SUSD1: variants seen among roughly 807,000 people sequenced by gnomAD.
SUSD1 encodes sushi domain-containing protein 1.
A neutral mutation model predicts 86.9 loss-of-function variants in SUSD1; 65 were observed. That is an observed-to-expected ratio of 0.75 (90% CI 0.61 to 0.92). SUSD1 has a LOEUF of 0.92. SUSD1 is among the 40% of genes least tolerant of loss of function. The probability of loss-of-function intolerance (pLI) is 0.00; values close to 1 mark genes in which losing one functional copy is unlikely to be tolerated. For missense variants in SUSD1, 850 were observed against 929.7 expected, an observed-to-expected ratio of 0.91 and a Z score of 1.11; for synonymous variants, 346 against 350.0, an observed-to-expected ratio of 0.99 and a Z score of 0.13.
At chr9:112,051,249 C>T (rs1372023964) in intron 15 of SUSD1, among the ~76,000 whole-genome samples, 1 of 152,178 alleles carries the variant, frequency 6.6e-6, no homozygotes, top group Non-Finnish European at 1.5e-5. Flanking sequence ...ACAAGAAACA[C>T]ATCTGGACTT....
At chr9:112,046,679 C>G (rs914934233) in intron 15 of SUSD1, among the ~76,000 whole-genome samples, 1 of 152,110 alleles carries the variant, frequency 6.6e-6, no homozygotes, top group African/African-American at 2.4e-5. Flanking sequence ...CTGAAAGCAC[C>G]AATTCTGTTC....
intron 15 of SUSD1, among the ~76,000 whole-genome samples, chr9:112,043,701 A>G (rs10981225): frequency 0.091 from 13,800 of 152,268 alleles, 865 homozygotes; most frequent in East Asian, 0.29. Flanking sequence ...GCCTTTCTAG[A>G]AAACATGGCT....
At chr9:112,068,580 T>C (rs1405880967) in intron 12 of SUSD1, among the ~76,000 whole-genome samples, 1 of 151,804 alleles carries the variant, frequency 6.6e-6, no homozygotes, top group Non-Finnish European at 1.5e-5. Context: ...TGTACACCTG[T>C]GATCCCAGCT....
chr9:112,088,195 T>C (rs1057212526), intron 10 of SUSD1, among the ~76,000 whole-genome samples: 1 of 152,242 alleles, frequency 6.6e-6, no homozygotes, highest in Non-Finnish European at 1.5e-5. Flanking sequence ...AGGAATACTG[T>C]GCTCTTAAGG....
At chr9:112,086,599 C>G (rs191591911) in intron 10 of SUSD1, among the ~76,000 whole-genome samples, 1 of 148,494 alleles carries the variant, frequency 6.7e-6, no homozygotes, top group Admixed American at 6.6e-5. Flanking sequence ...GGTGTATAGA[C>G]AGAGCACTGA....
Position 112,131,297 on chromosome 9 carries a change from C to T in SUSD1, c.707-6861G>A, listed in dbSNP as rs565852323. 5.3e-5 allele frequency among the ~76,000 whole-genome samples: 8 copies of T among 152,172 alleles called. No individual in the cohort carries two copies. The East Asian group carries it at 1.5e-3, about 29-fold the overall frequency. ...GCTAAAACCTAAGGAGAAAACGTTGCCTGAATAAGCATTCAAGTCAGTCTG... is the reference window on the plus strand; with the variant it reads ...GCTAAAACCTAAGGAGAAAACGTTGTCTGAATAAGCATTCAAGTCAGTCTG... On this transcript the variant is annotated intron_variant, in intron 5 of 16. Transcript: ENST00000374270.
rs1206086581 is a variant in SUSD1 at position 112,041,955 on chromosome 9, A to T, written c.2155T>A (p.Ser719Thr). ...CAVWAQVKDS[S>T]LMLLQMAGVG... Reference sequence around the variant, plus strand: ...CCCGCCATCTGCAGCAGCATGAGTGACGAATCTGTGGGACAAAACCACAGG... The same window carrying T: ...CCCGCCATCTGCAGCAGCATGAGTGTCGAATCTGTGGGACAAAACCACAGG... Residue 719 changes from serine (S) to threonine (T), a missense_variant, in exon 16 of 17, where the codon TCA becomes ACA. Physicochemically the swap from Ser to Thr is moderately conservative, Grantham distance 58 (BLOSUM62 1). Transcript: ENST00000374270. 2 of 1,613,886 alleles carry T rather than the reference A, an allele frequency of 1.2e-6. No homozygotes were observed. The highest frequency in any genetic ancestry group is 1.7e-6 in the Non-Finnish European group (2 of 1,179,874).
At chr9:112,161,636 A>G (rs1833574892) in intron 1 of SUSD1, among the ~76,000 whole-genome samples, 1 of 152,102 alleles carries the variant, frequency 6.6e-6, no homozygotes, top group Non-Finnish European at 1.5e-5. Flanking sequence ...CAGCCTGGTC[A>G]ACATGGTGAA....
At position 112,165,407 on chromosome 9, in the gene SUSD1, C is replaced by CTTTT. The variant is rs34075174; in HGVS notation, c.104-7798_104-7795dup. The stretch of plus-strand genomic sequence containing the variant: ...GCTATCAAATACTAGGTCTTTGACA[C>CTTTT]TTTTTTTTTTTTTTTTTTTTGAGAC... On this transcript the variant is annotated intron_variant, in intron 1 of 16. Coordinates refer to ENST00000374270, the MANE Select transcript of SUSD1 (RefSeq NM_022486.5). Among the ~76,000 whole-genome samples, 189 of 119,412 alleles carry CTTTT rather than the reference C, an allele frequency of 1.6e-3. 5 individuals are homozygous for CTTTT. The highest frequency in any genetic ancestry group is 4.6e-3 in the Middle Eastern group (1 of 216). The allele number at this position is 119,412 out of a possible 152,430, so 78.3% of individuals were successfully genotyped here.
chr9:112,138,592 G>A (rs371802135), intron 5 of SUSD1, among the ~76,000 whole-genome samples: 1 of 151,480 alleles, frequency 6.6e-6, no homozygotes, highest in Non-Finnish European at 1.5e-5. Flanking sequence ...GGGATTACAG[G>A]TGCACGCCAC....
In SUSD1 at chr9:112,129,457, C is replaced by T. The variant is rs545590352; in HGVS notation, c.707-5021G>A. On this transcript the variant is annotated intron_variant, in intron 5 of 16. Coordinates refer to ENST00000374270, the MANE Select transcript of SUSD1 (RefSeq NM_022486.5). ...CCTCCTAAGTAGCTGGGACCTCACA[C>T]GTGCACAACCATATATGGCTAATTT... is the stretch of plus-strand genomic sequence containing the variant. Among the ~76,000 whole-genome samples, 161 of 152,176 alleles carry T rather than the reference C, an allele frequency of 1.1e-3. 2 individuals are homozygous for T. The highest frequency in any genetic ancestry group is 4.1e-4 in the Non-Finnish European group (28 of 68,010).
chr9:112,144,963 G>A (rs531267747), intron 3 of SUSD1, among the ~76,000 whole-genome samples: 34 of 152,206 alleles, frequency 2.2e-4, no homozygotes, highest in Admixed American at 4.6e-4. Context: ...TCCATCAGCT[G>A]GGCATGCCTG....
intron 15 of SUSD1, among the ~76,000 whole-genome samples, chr9:112,047,113 G>C (rs2118854965): frequency 6.6e-6 from 1 of 152,096 alleles, no homozygotes; most frequent in East Asian, 1.9e-4. Context: ...AGTTCCACAG[G>C]GTGTACAGGA....
intron 12 of SUSD1, among the ~76,000 whole-genome samples, chr9:112,066,154 C>T (rs1331231983): frequency 3.9e-5 from 6 of 152,178 alleles, no homozygotes; most frequent in Admixed American, 6.5e-5. Flanking sequence ...ACAATGCTTG[C>T]GTTCACTTTA....
At chr9:112,043,226 T>G (rs1423531947) in intron 15 of SUSD1, among the ~76,000 whole-genome samples, 1 of 152,208 alleles carries the variant, frequency 6.6e-6, no homozygotes, top group Non-Finnish European at 1.5e-5. Context: ...GCTGCAAGAT[T>G]CTGAACTGCT....
In SUSD1 at chr9:112,111,638, C is replaced by T; in HGVS notation, c.1171+16G>A. 6.2e-7 allele frequency: 1 copy of T among 1,609,846 alleles called. No individual in the cohort carries two copies. Among genetic ancestry groups the T allele is most frequent in the Non-Finnish European group, 8.5e-7 (1 of 1,178,034 alleles). ...TAGCATTTTCTAGGAGGAAATGAGA[C>T]TTCACCTCCACCTACCAGCTGTCTG... On this transcript the variant is annotated intron_variant, in intron 8 of 16. Coordinates refer to ENST00000374270, the MANE Select transcript of SUSD1 (RefSeq NM_022486.5).
chr9:112,130,849 A>AG (rs1394321278), intron 5 of SUSD1, among the ~76,000 whole-genome samples: 1 of 49,404 alleles, frequency 2.0e-5, no homozygotes, highest in Non-Finnish European at 3.9e-5. Flanking sequence ...ACATCTCTAC[A>AG]AAAAAAAAAA....
intron 3 of SUSD1, among the ~76,000 whole-genome samples, chr9:112,148,321 AG>A (rs1206191234): frequency 1.3e-5 from 2 of 152,138 alleles, no homozygotes; most frequent in African/African-American, 4.8e-5. Context: ...AAAAATTAGG[AG>A]GGTTTGTCCC....
intron 3 of SUSD1, among the ~76,000 whole-genome samples, chr9:112,146,869 G>GA (rs1832829844): frequency 6.6e-6 from 1 of 152,156 alleles, no homozygotes; most frequent in Non-Finnish European, 1.5e-5. Context: ...CTCCTGGTCT[G>GA]AAGTGATCCT....
Sources: gnomAD v4.1 joint callset for allele counts (sites outside exome capture counted in the v4.1 genomes callset) on GRCh38, gnomAD v4.1.1 for gene constraint, MANE v1.5 for transcripts, NCBI Gene and HGNC (gene_info 2026-07-23, HGNC 2026-07-21) for gene names.